Variants in TRIO observed in about 807,000 individuals in gnomAD.
TRIO encodes the protein trio Rho guanine nucleotide exchange factor.
Under a neutral mutation model 351.9 loss-of-function variants are expected in TRIO, and 58 were observed. The observed-to-expected ratio is 0.16, with a 90% CI of 0.13 to 0.21. TRIO has a LOEUF of 0.21. Among genes scored for constraint, TRIO ranks in the 10% least tolerant of loss-of-function variants. TRIO has a pLI of 1.00. For missense variants in TRIO, 3,201 were observed against 4,027.8 expected (o/e 0.79, Z 5.56); for synonymous variants, 1,758 against 1,595.7 (o/e 1.10, Z -2.42).
chr5:14,241,305 A>C lies in TRIO; in HGVS notation c.158-29520A>C, dbSNP rs552522120. ...TCATGAATCTGCCTGATGATTTCAT[A>C]ATAGGAAATTGAATGACACTGATTT... On this transcript the variant is annotated intron_variant, in intron 1 of 56. Coordinates refer to ENST00000344204, the MANE Select transcript of TRIO (RefSeq NM_007118.4). Among the ~76,000 whole-genome samples, 14 of 152,322 alleles carry C rather than the reference A, an allele frequency of 9.2e-5. No homozygotes were observed. The South Asian group carries it at 2.9e-3, about 32-fold the overall frequency.
intron 1 of TRIO, among the ~76,000 whole-genome samples, chr5:14,237,671 A>G (rs1252912981): frequency 6.6e-6 from 1 of 152,124 alleles, no homozygotes; most frequent in Non-Finnish European, 1.5e-5. Context: ...GAGGCATAAA[A>G]CCCTCTACAT....
intron 1 of TRIO, among the ~76,000 whole-genome samples, chr5:14,175,743 C>T (rs1443947373): frequency 6.6e-6 from 1 of 152,138 alleles, no homozygotes; most frequent in African/African-American, 2.4e-5. Context: ...ATAATGTAGC[C>T]TATTTCTAAC....
chr5:14,245,648 A>C (rs1425171164), intron 1 of TRIO, among the ~76,000 whole-genome samples: 8 of 152,212 alleles, frequency 5.3e-5, no homozygotes, highest in Non-Finnish European at 7.3e-5. Flanking sequence ...TGCAATAGAC[A>C]CACTCTTCTT....
At chr5:14,402,379 C>G (rs1748148896) in intron 31 of TRIO, among the ~76,000 whole-genome samples, 1 of 152,180 alleles carries the variant, frequency 6.6e-6, no homozygotes, top group South Asian at 2.1e-4. Flanking sequence ...TCGCCAGGTA[C>G]AAGTTTTCTA....
intron 1 of TRIO, among the ~76,000 whole-genome samples, chr5:14,248,636 C>T (rs1302495829): frequency 1.3e-5 from 2 of 152,162 alleles, no homozygotes; most frequent in Non-Finnish European, 2.9e-5. Context: ...CACACAGGGC[C>T]CCCAAGTGCT....
intron 1 of TRIO, among the ~76,000 whole-genome samples, chr5:14,202,064 A>G (rs1429690961): frequency 1.3e-5 from 2 of 151,904 alleles, no homozygotes; most frequent in African/African-American, 4.8e-5. Context: ...ACATGTATAC[A>G]TATGTAACAA....
chr5:14,341,942 G>T (rs908612323), intron 11 of TRIO, among the ~76,000 whole-genome samples: 3 of 152,212 alleles, frequency 2.0e-5, no homozygotes, highest in African/African-American at 7.2e-5. Context: ...TAGAGTAATG[G>T]CTGGGAAAAG....
intron 1 of TRIO, among the ~76,000 whole-genome samples, chr5:14,195,521 C>G (rs1465248285): frequency 6.6e-6 from 1 of 152,212 alleles, no homozygotes; most frequent in Non-Finnish European, 1.5e-5. Flanking sequence ...TTGAGATTCT[C>G]TGTGAAAGTA....
chr5:14,494,388 G>A (rs756490886), intron 49 of TRIO, among the ~76,000 whole-genome samples: 11 of 152,114 alleles, frequency 7.2e-5, no homozygotes, highest in Non-Finnish European at 1.2e-4. Context: ...TTTACAACAC[G>A]GTTTACTGAG....
Position 14,368,739 on chromosome 5 carries a change from A to G in TRIO, c.2906A>G (p.Gln969Arg). The change falls in exon 17 of 57, where the codon CAG becomes CGG. Residue 969 changes from glutamine (Q) to arginine (R), a missense_variant. Transcript: ENST00000344204. ...CATCAGAGCGCGCTGCAGGTGCAGC[A>G]GAAGGCAGAAGCCATGCTACAGGCC... The part of the protein sequence containing the change: ...KTHQSALQVQ[Q>R]KAEAMLQANH... 6.2e-7 allele frequency: 1 copy of G among 1,614,088 alleles called. No homozygotes were observed. Among genetic ancestry groups the G allele is most frequent in the Non-Finnish European group, 8.5e-7 (1 of 1,179,986 alleles).
At chr5:14,188,095 C>T (rs1379926125) in intron 1 of TRIO, among the ~76,000 whole-genome samples, 1 of 152,164 alleles carries the variant, frequency 6.6e-6, no homozygotes, top group Non-Finnish European at 1.5e-5. Context: ...ATAATATCTG[C>T]TGGTGTTTTA....
intron 1 of TRIO, among the ~76,000 whole-genome samples, chr5:14,148,300 C>T (rs1371588324): frequency 6.6e-6 from 1 of 152,048 alleles, no homozygotes; most frequent in Non-Finnish European, 1.5e-5. Flanking sequence ...TTAAATGTTA[C>T]GATAAAGTTG....
chr5:14,178,309 A>T (rs987984532), intron 1 of TRIO, among the ~76,000 whole-genome samples: 14 of 152,238 alleles, frequency 9.2e-5, no homozygotes, highest in African/African-American at 3.1e-4. Flanking sequence ...AAAATGAATA[A>T]TATTCAAATT....
intron 1 of TRIO, among the ~76,000 whole-genome samples, chr5:14,204,555 A>G (rs1263189235): frequency 1.3e-5 from 2 of 152,318 alleles, no homozygotes; most frequent in Non-Finnish European, 1.5e-5. Context: ...GTACTTAAGT[A>G]TGGTGGAACA....
At chr5:14,464,033 C>G (rs1055308739) in intron 36 of TRIO, among the ~76,000 whole-genome samples, 1 of 152,058 alleles carries the variant, frequency 6.6e-6, no homozygotes, top group Non-Finnish European at 1.5e-5. Flanking sequence ...AGGTTGGAGT[C>G]CTGGAGTTTT....
intron 1 of TRIO, among the ~76,000 whole-genome samples, chr5:14,167,656 T>C (rs1788851424): frequency 6.6e-6 from 1 of 152,142 alleles, no homozygotes; most frequent in South Asian, 2.1e-4. Flanking sequence ...GCCCCAGACA[T>C]CATGAAGAGA....
At chr5:14,481,723 T>C in intron 45 of TRIO, 105 bp downstream of exon 45, 1 of 1,155,074 alleles carries the variant, frequency 8.7e-7, no homozygotes, top group Non-Finnish European at 1.2e-6. Context: ...TTTCACTTGG[T>C]TTTCTGGCTT....
chr5:14,233,159 A>G (rs1793556154), intron 1 of TRIO, among the ~76,000 whole-genome samples: 1 of 152,042 alleles, frequency 6.6e-6, no homozygotes, highest in Non-Finnish European at 1.5e-5. Flanking sequence ...ATAAGACCAT[A>G]TCATCTTGAA....
chr5:14,293,936 A>G (rs1374859047), intron 6 of TRIO, among the ~76,000 whole-genome samples: 3 of 152,186 alleles, frequency 2.0e-5, no homozygotes, highest in Non-Finnish European at 4.4e-5. Context: ...GTCCACTCTT[A>G]AACCTTGTAA....
Sources: allele counts gnomAD v4.1 joint callset (sites outside exome capture counted in the v4.1 genomes callset), GRCh38; gene constraint gnomAD v4.1.1; transcripts MANE v1.5; gene names NCBI Gene and HGNC (gene_info 2026-07-23, HGNC 2026-07-21).